CLASP2: variants seen among roughly 807,000 people sequenced by gnomAD.
CLASP2 encodes CLIP-associating protein 2.
CLASP2 carries 47 observed loss-of-function variants against 194.4 expected under a neutral mutation model. The ratio of observed to expected loss-of-function variants is 0.24; its 90% confidence interval spans 0.19 to 0.31. CLASP2 has a LOEUF of 0.31. CLASP2 is among the 10% of genes least tolerant of loss of function. The probability of loss-of-function intolerance (pLI) is 1.00; values close to 1 mark genes in which losing one functional copy is unlikely to be tolerated. For synonymous variants in CLASP2, 619 were observed against 633.5 expected (o/e 0.98, Z 0.34); for missense variants, 1,445 against 1,823.6 (o/e 0.79, Z 3.78).
intron 21 of CLASP2, chr3:33,588,559 A>G (rs1430281424): frequency 1.9e-6 from 1 of 514,826 alleles, no homozygotes; most frequent in Non-Finnish European, 3.4e-6. Flanking sequence ...AGGCCAAAGA[A>G]AAATCACAAT....
rs1424138594 is a variant in CLASP2 at position 33,566,753 on chromosome 3, CAG to C, written c.2764-21_2764-20del. ...TTACTCTCTATTGAGAGTTCCAACA[CAG>C]GGGACAGCATGCAAAAAGAAAAAAA... On this transcript the variant is annotated intron_variant, in intron 26 of 38. Coordinates refer to ENST00000682230, the MANE Select transcript of CLASP2 (RefSeq NM_001365631.1). 7 of 443,268 alleles carry C rather than the reference CAG, an allele frequency of 1.6e-5. No homozygotes were observed. The highest frequency in any genetic ancestry group is 5.0e-5 in the Admixed American group (2 of 40,090). The allele number at this position is 443,268 out of a possible 1,614,324, so 27.5% of individuals were successfully genotyped here. A position where few individuals can be genotyped will look rare whatever the true frequency, so the allele number is the denominator to read the frequency against.
chr3:33,591,558 C>CTAT (rs144745785), intron 21 of CLASP2, among the ~76,000 whole-genome samples: 25 of 152,336 alleles, frequency 1.6e-4, no homozygotes, highest in Non-Finnish European at 3.4e-4. Context: ...CTGCAATGAG[C>CTAT]TATTATCACA....
chr3:33,564,065 A>G (rs2062235252), intron 27 of CLASP2: 1 of 381,714 alleles, frequency 2.6e-6, no homozygotes. Context: ...GGGGCAAACT[A>G]TTTATGGTGC....
intron 6 of CLASP2, among the ~76,000 whole-genome samples, chr3:33,675,007 T>A (rs1488410523): frequency 6.6e-6 from 1 of 152,010 alleles, no homozygotes; most frequent in East Asian, 1.9e-4. Flanking sequence ...CTACCAGAGG[T>A]ACAAGGAGGA....
intron 34 of CLASP2, among the ~76,000 whole-genome samples, chr3:33,529,609 CACAA>C: frequency 6.6e-6 from 1 of 152,154 alleles, no homozygotes. Context: ...AAACCTAAGA[CACAA>C]ACACACACAT....
chr3:33,684,492 A>G (rs2090338499), intron 5 of CLASP2, 36 bp from the exon 6 acceptor site: 1 of 1,331,214 alleles, frequency 7.5e-7, no homozygotes, highest in Non-Finnish European at 1.1e-6. Context: ...ATAAACTTAT[A>G]TATGATACAA....
At chr3:33,617,158 G>A (rs1274010820) in intron 12 of CLASP2, among the ~76,000 whole-genome samples, 2 of 150,328 alleles carry the variant, frequency 1.3e-5, no homozygotes, top group Non-Finnish European at 3.0e-5. Context: ...TATAAAATAC[G>A]AAAATTAGCA....
intron 6 of CLASP2, chr3:33,683,579 G>A (rs1451556319): frequency 6.6e-6 from 1 of 152,260 alleles, no homozygotes; most frequent in Non-Finnish European, 1.5e-5. Flanking sequence ...CTGCACTGCA[G>A]CCTAGGCAAC....
intron 7 of CLASP2, among the ~76,000 whole-genome samples, chr3:33,657,865 T>C (rs1167799338): frequency 6.6e-6 from 1 of 152,136 alleles, no homozygotes; most frequent in Non-Finnish European, 1.5e-5. Flanking sequence ...CTATCTCTCA[T>C]AGCCCCTAGG....
chr3:33,687,113 T>C lies in CLASP2; in HGVS notation c.493A>G (p.Ile165Val). 3 of 1,602,158 alleles carry C rather than the reference T, an allele frequency of 1.9e-6. No individual in the cohort carries two copies. The highest frequency in any genetic ancestry group is 1.7e-6 in the Non-Finnish European group (2 of 1,174,176). The change falls in exon 5 of 39, where the codon ATC becomes GTC. Residue 165 changes from isoleucine to valine, a missense_variant. Physicochemically the swap from Ile to Val is conservative, Grantham distance 29. Around this residue, in one of 4 missense-constraint regions of CLASP2, gnomAD observed 332 missense variants for 325.3 expected, o/e 1.02. Transcript: ENST00000682230. ...LNIFGAQPLV[I>V]SKLIPHLCIL... ...CACAAATGTGGTATCAATTTGCTGATGACTAGTGGCTGAGCCCCAAAACTA... is the reference window on the plus strand; with the variant it reads ...CACAAATGTGGTATCAATTTGCTGACGACTAGTGGCTGAGCCCCAAAACTA...
intron 34 of CLASP2, among the ~76,000 whole-genome samples, chr3:33,527,235 A>C (rs1043743073): frequency 6.6e-6 from 1 of 152,196 alleles, no homozygotes; most frequent in African/African-American, 2.4e-5. Flanking sequence ...TAGACTAACA[A>C]AGAAGGAGAG....
Position 33,525,688 on chromosome 3 carries a change from T to C in CLASP2, c.3788-8514A>G, listed in dbSNP as rs117609383. Among the ~76,000 whole-genome samples, 156 of 152,310 alleles carry C rather than the reference T, an allele frequency of 1.0e-3. No homozygotes were observed. In the East Asian group the frequency reaches 0.025, roughly 25 times the overall value. ...TCTTGGCAGAGGAGCCACTCAGGCA[T>C]GCATGGAAACCCTGGAGCCTCAGAT... On this transcript the variant is annotated intron_variant, in intron 34 of 38. Transcript: ENST00000682230.
chr3:33,511,724 A>T (rs2049890478), intron 36 of CLASP2, among the ~76,000 whole-genome samples: 2 of 66,210 alleles, frequency 3.0e-5, no homozygotes, highest in African/African-American at 5.5e-5. Context: ...AAAACAAACA[A>T]CCCCATCAAA....
intron 34 of CLASP2, among the ~76,000 whole-genome samples, chr3:33,525,275 T>G (rs909249406): frequency 5.9e-5 from 9 of 151,442 alleles, no homozygotes; most frequent in African/African-American, 1.9e-4. Flanking sequence ...AGGGGGAAAT[T>G]TATAGCTATA....
chr3:33,634,337 T>C (rs2079692394), intron 8 of CLASP2, among the ~76,000 whole-genome samples: 1 of 152,166 alleles, frequency 6.6e-6, no homozygotes. Context: ...GGTATGATGG[T>C]ATCAGGGAGT....
intron 34 of CLASP2, among the ~76,000 whole-genome samples, chr3:33,520,772 T>C (rs974284382): frequency 1.3e-5 from 2 of 151,776 alleles, no homozygotes; most frequent in African/African-American, 2.4e-5. Context: ...GAACTACTAG[T>C]GTAAAAACAT....
chr3:33,699,180 G>A (rs1020526384), intron 1 of CLASP2, among the ~76,000 whole-genome samples: 1 of 152,036 alleles, frequency 6.6e-6, no homozygotes, highest in African/African-American at 2.4e-5. Flanking sequence ...TACTCAAATT[G>A]AAATACAAAA....
Position 33,529,986 on chromosome 3 carries a change from A to C in CLASP2, c.3787+5247T>G, listed in dbSNP as rs2055810498. Among the ~76,000 whole-genome samples, 5 of 138,108 alleles carry C rather than the reference A, an allele frequency of 3.6e-5. No individual in the cohort carries two copies. The South Asian group carries it at 1.1e-3, about 30-fold the overall frequency. 90.6% of individuals were successfully genotyped at this position (138,108 alleles called of 152,430 possible). On this transcript the variant is annotated intron_variant, in intron 34 of 38. Transcript: ENST00000682230. ...GGCGACAGAGCGAGACTCCGTCTCA[A>C]AAAAAAAAAAAAAAAAAAAAAAAAA...
chr3:33,629,513 AGAG>A (rs1009563075), intron 9 of CLASP2, among the ~76,000 whole-genome samples: 1 of 152,158 alleles, frequency 6.6e-6, no homozygotes, highest in Admixed American at 6.5e-5. Flanking sequence ...CTGAGAGAAG[AGAG>A]GAGGACAGAG....
Sources: allele counts gnomAD v4.1 joint callset (sites outside exome capture counted in the v4.1 genomes callset), GRCh38; gene constraint gnomAD v4.1.1; regional missense constraint gnomAD v4.1.1; transcripts MANE v1.5; gene names NCBI Gene and HGNC (gene_info 2026-07-23, HGNC 2026-07-21).